Variants in LRRC53 observed in about 807,000 individuals in gnomAD.
LRRC53 encodes the protein leucine rich repeat containing 53, also known as leucine-rich repeat-containing protein 53.
Under a neutral mutation model 13.6 loss-of-function variants are expected in LRRC53, and 25 were observed. The ratio of observed to expected loss-of-function variants is 1.83; its 90% CI spans 1.34 to 2.56. The LOEUF is 2.56. Ranked by LOEUF, LRRC53 falls within the 30% of genes most tolerant of loss-of-function variation. The pLI, the probability that LRRC53 is intolerant of heterozygous loss-of-function variation, is 0.00. For missense variants in LRRC53, 527 were observed against 275.8 expected (o/e 1.91, Z -6.45); for synonymous variants, 204 against 109.8 (o/e 1.86, Z -5.37).
the LRRC53 span, among the ~76,000 whole-genome samples, chr1:74,525,502 T>C: frequency 6.6e-6 from 1 of 152,156 alleles, no homozygotes; most frequent in Non-Finnish European, 1.5e-5. Context: ...ACATTGAATC[T>C]GAGAGATGAG....
intron 1 of LRRC53, among the ~76,000 whole-genome samples, chr1:74,485,850 T>C (rs540158076): frequency 6.6e-5 from 10 of 152,108 alleles, no homozygotes; most frequent in Non-Finnish European, 1.2e-4. Context: ...AAAACAGACA[T>C]GTGTCATACA....
At chr1:74,482,559 C>T (rs1238415543) in intron 2 of LRRC53, among the ~76,000 whole-genome samples, 1 of 152,114 alleles carries the variant, frequency 6.6e-6, no homozygotes, top group Non-Finnish European at 1.5e-5. Context: ...TTATCAGAGT[C>T]GTGGGATATT....
chr1:74,508,069 T>C (rs543984074), intron 1 of LRRC53, among the ~76,000 whole-genome samples: 33 of 152,314 alleles, frequency 2.2e-4, no homozygotes, highest in South Asian at 8.3e-4. Flanking sequence ...ACGACTCTAG[T>C]GTATTCTAAC....
intron 2 of LRRC53, among the ~76,000 whole-genome samples, chr1:74,482,809 A>ATTTTT (rs1668570907): frequency 6.6e-6 from 1 of 152,234 alleles, no homozygotes; most frequent in Non-Finnish European, 1.5e-5. Context: ...CACCAATAAA[A>ATTTTT]AAAGACCAGA....
chr1:74,511,174 G>C (rs978380250), intron 1 of LRRC53, among the ~76,000 whole-genome samples: 2 of 148,760 alleles, frequency 1.3e-5, no homozygotes, highest in Non-Finnish European at 3.0e-5. Context: ...GATTACAGGC[G>C]TGAGCTACCG....
chr1:74,525,360 AG>A, the LRRC53 span, among the ~76,000 whole-genome samples: 1 of 152,204 alleles, frequency 6.6e-6, no homozygotes, highest in South Asian at 2.1e-4. Flanking sequence ...GGTACAAAAA[AG>A]GAATGTGAGG....
At chr1:74,527,410 G>A in the LRRC53 span, among the ~76,000 whole-genome samples, 1 of 152,182 alleles carries the variant, frequency 6.6e-6, no homozygotes, top group Non-Finnish European at 1.5e-5. Context: ...GTAGAAAATA[G>A]GAAACACAAG....
intron 1 of LRRC53, among the ~76,000 whole-genome samples, chr1:74,498,730 C>A (rs1258650712): frequency 1.3e-5 from 2 of 151,830 alleles, no homozygotes; most frequent in Admixed American, 1.3e-4. Context: ...CCAGTCTTCC[C>A]CCCGACTATT....
At chr1:74,501,737 T>G (rs956711889) in intron 1 of LRRC53, among the ~76,000 whole-genome samples, 3 of 152,090 alleles carry the variant, frequency 2.0e-5, no homozygotes, top group African/African-American at 7.2e-5. Flanking sequence ...TCTGTCCACC[T>G]CGGCCTCCCA....
chr1:74,535,069 C>G, the LRRC53 span, among the ~76,000 whole-genome samples: 1 of 152,158 alleles, frequency 6.6e-6, no homozygotes, highest in African/African-American at 2.4e-5. Context: ...AAATGTTGGA[C>G]ACGTCAGATA....
At chr1:74,535,383 T>C in the LRRC53 span, among the ~76,000 whole-genome samples, 1 of 151,764 alleles carries the variant, frequency 6.6e-6, no homozygotes, top group Non-Finnish European at 1.5e-5. Flanking sequence ...CACACAAGAA[T>C]TGTTTGAGTG....
chr1:74,488,155 A>G (rs1207031997), intron 1 of LRRC53, among the ~76,000 whole-genome samples: 1 of 152,174 alleles, frequency 6.6e-6, no homozygotes, highest in Non-Finnish European at 1.5e-5. Context: ...GGGTGTGGCT[A>G]GACTCTGGTG....
the LRRC53 span, among the ~76,000 whole-genome samples, chr1:74,519,069 T>C: frequency 1.1e-5 from 1 of 92,666 alleles, no homozygotes; most frequent in Non-Finnish European, 1.9e-5. Flanking sequence ...AGTGTGATAT[T>C]CCCCTTCCTG....
upstream of LRRC53, among the ~76,000 whole-genome samples, chr1:74,512,834 C>T (rs888789726): frequency 2.0e-5 from 3 of 152,096 alleles, no homozygotes; most frequent in Non-Finnish European, 4.4e-5. Flanking sequence ...AAATGGGCAC[C>T]CCCTGCAGCA....
chr1:74,475,404 T>G lies in LRRC53; in HGVS notation c.1311A>C (p.Glu437Asp). 1 of 717,132 alleles carries G rather than the reference T, an allele frequency of 1.4e-6. No individual in the cohort carries two copies. Among genetic ancestry groups the G allele is most frequent in the East Asian group, 2.7e-5 (1 of 37,270 alleles). The allele number at this position is 717,132 out of a possible 1,614,324, so 44.4% of individuals were successfully genotyped here. ...EPPGNMRAFN[E>D]AGLLTTYNPR... is the part of the protein sequence containing the mutation. ...GATTATATGTTGTAAGTAAGCCTGC[T>G]TCATTAAAAGCTCTCATATTTCCAG... Residue 437 changes from glutamate to aspartate, a missense_variant, in exon 4 of 5, where the codon GAA (glutamate) becomes GAC (aspartate). Physicochemically the swap from Glu to Asp is conservative, Grantham distance 45. Transcript: ENST00000294635.
chr1:74,530,093 G>A, the LRRC53 span, among the ~76,000 whole-genome samples: 4 of 152,262 alleles, frequency 2.6e-5, no homozygotes, highest in Middle Eastern at 3.4e-3. Context: ...GCCTCCCAAA[G>A]TGCTGGGATT....
chr1:74,519,128 C>A, the LRRC53 span, among the ~76,000 whole-genome samples: 1 of 92,382 alleles, frequency 1.1e-5, no homozygotes, highest in Non-Finnish European at 1.9e-5. Flanking sequence ...TGAGAATATG[C>A]GGTGTTTGGT....
At chr1:74,483,138 A>G in intron 2 of LRRC53, 124 bp downstream of exon 2, 1 of 565,814 alleles carries the variant, frequency 1.8e-6, no homozygotes, top group Non-Finnish European at 3.2e-6. Flanking sequence ...CATTGTATGA[A>G]GTGTACTCAT....
intron 4 of LRRC53, among the ~76,000 whole-genome samples, chr1:74,474,880 C>A (rs559560816): frequency 1.3e-5 from 2 of 152,120 alleles, no homozygotes; most frequent in Non-Finnish European, 2.9e-5. Flanking sequence ...ATTCTTCTAA[C>A]ATGTCATGCT....
Sources: gnomAD v4.1 joint callset for allele counts (sites outside exome capture counted in the v4.1 genomes callset) on GRCh38, gnomAD v4.1.1 for gene constraint, MANE v1.5 for transcripts, NCBI Gene and HGNC (gene_info 2026-07-23, HGNC 2026-07-21) for gene names.